The following SLC17A4 variants were observed in gnomAD, a reference collection of about 807,000 sequenced individuals.
SLC17A4 encodes probable small intestine urate exporter.
In SLC17A4, 33 loss-of-function variants were observed where a neutral mutation model predicts 52.5. The ratio of observed to expected loss-of-function variants is 0.63; its 90% confidence interval spans 0.48 to 0.84. The LOEUF (loss-of-function observed/expected upper bound fraction) is 0.84. SLC17A4 is among the 40% of genes least tolerant of loss of function. The pLI is 0.00. For missense variants in SLC17A4, 585 were observed against 597.1 expected (o/e 0.98, Z 0.21); for synonymous variants, 225 against 216.2 (o/e 1.04, Z -0.36).
intron 1 of SLC17A4, among the ~76,000 whole-genome samples, chr6:25,761,082 T>G (rs1231970506): frequency 6.6e-6 from 1 of 152,208 alleles, no homozygotes; most frequent in Non-Finnish European, 1.5e-5. Flanking sequence ...CTGGGCTTGA[T>G]TCTTTGGTCA....
At chr6:25,778,669 A>G (rs918025785) in intron 11 of SLC17A4, among the ~76,000 whole-genome samples, 3 of 152,212 alleles carry the variant, frequency 2.0e-5, no homozygotes, top group Admixed American at 6.5e-5. Flanking sequence ...TATATGACAT[A>G]TTGAATGGTA....
At chr6:25,770,337 G>A (rs1300968518) in intron 4 of SLC17A4, 37 bp downstream of exon 4, 1 of 1,613,306 alleles carries the variant, frequency 6.2e-7, no homozygotes, top group Non-Finnish European at 8.5e-7. Context: ...TGGAATATAG[G>A]TTCCAGAATG....
chr6:25,770,874 G>GAGCC, intron 5 of SLC17A4, 52 bp from the exon 6 acceptor site: 1 of 1,393,020 alleles, frequency 7.2e-7, no homozygotes, highest in South Asian at 1.2e-5. Flanking sequence ...AAAGCACATA[G>GAGCC]AGCCCCAAGA....
In SLC17A4 at chr6:25,776,950, T is replaced by C; in HGVS notation, c.1259T>C (p.Ile420Thr). 1 of 1,612,286 alleles carries C rather than the reference T, an allele frequency of 6.2e-7. No individual in the cohort carries two copies. Among genetic ancestry groups the C allele is most frequent in the Non-Finnish European group, 8.5e-7 (1 of 1,178,902 alleles). ...ESGALVNFLD[I>T]APRYTGFLKG... is the part of the protein sequence containing the mutation. ...GGAGCCCTTGTTAACTTCTTGGATA[T>C]TGCTCCTCGGTAGGGACCTCTTTTG... The change falls in exon 10 of 12, where the codon ATT becomes ACT. Residue 420 changes from isoleucine (I) to threonine (T), a missense_variant. By Grantham distance (89) the Ile-to-Thr change is moderately conservative. Coordinates refer to ENST00000377905, the MANE Select transcript of SLC17A4 (RefSeq NM_005495.3).
At chr6:25,769,287 C>T in intron 3 of SLC17A4, 97 bp downstream of exon 3, 1 of 1,137,256 alleles carries the variant, frequency 8.8e-7, no homozygotes. Context: ...TAAGTATTTA[C>T]TGAACATGTA....
intron 3 of SLC17A4, 43 bp from the exon 4 acceptor site, chr6:25,770,024 A>G (rs955943854): frequency 4.4e-6 from 7 of 1,579,316 alleles, no homozygotes; most frequent in Non-Finnish European, 6.1e-6. Flanking sequence ...AAAACTGTCA[A>G]TCCTTCAACT....
Position 25,770,449 on chromosome 6 carries a change from A to T in SLC17A4, c.597A>T (p.Gln199His). The change falls in exon 5 of 12, where the codon CAA becomes CAT. Residue 199 changes from glutamine to histidine, a missense_variant. By Grantham distance (24) the Gln-to-His change is conservative. Transcript: ENST00000377905. The part of the protein sequence containing the change: ...VKWAPPLERS[Q>H]LTTIAGSGSM... ...GGGCTCCCCCACTGGAAAGGAGTCA[A>T]CTCACCACCATTGCTGGATCAGGTA... The T allele has an allele frequency of 6.2e-7, 1 of 1,614,054 alleles. No individual in the cohort carries two copies. Among genetic ancestry groups the T allele is most frequent in the East Asian group, 2.2e-5 (1 of 44,880 alleles).
intron 2 of SLC17A4, among the ~76,000 whole-genome samples, chr6:25,765,069 G>T (rs1761893924): frequency 6.6e-6 from 1 of 152,168 alleles, no homozygotes; most frequent in Admixed American, 6.5e-5. Flanking sequence ...CTGTGCAGGG[G>T]TTTCAAAATG....
chr6:25,771,038 T>A (rs1288656222), intron 6 of SLC17A4, 26 bp downstream of exon 6: 4 of 1,568,194 alleles, frequency 2.6e-6, no homozygotes, highest in Non-Finnish European at 3.5e-6. Flanking sequence ...AAATCTCCAA[T>A]TTTTATGACA....
chr6:25,768,623 C>A (rs554246197), intron 2 of SLC17A4, among the ~76,000 whole-genome samples: 1 of 152,262 alleles, frequency 6.6e-6, no homozygotes, highest in South Asian at 2.1e-4. Flanking sequence ...CCAGCAGTTT[C>A]CTCTCTCTCA....
In SLC17A4 at chr6:25,779,346, G is replaced by A; in HGVS notation, c.*158G>A. 1 of 928,360 alleles carries A rather than the reference G, an allele frequency of 1.1e-6. No individual in the cohort carries two copies. Among genetic ancestry groups the A allele is most frequent in the Non-Finnish European group, 1.6e-6 (1 of 631,140 alleles). 57.5% of individuals were successfully genotyped at this position (928,360 alleles called of 1,614,324 possible). Reference sequence around the variant, plus strand: ...CATGCCTGGAAATTTTACAGGGGAAGAAAACACGCTAGTTATTTAACTGCA... The same window carrying A: ...CATGCCTGGAAATTTTACAGGGGAAAAAAACACGCTAGTTATTTAACTGCA... On this transcript the variant is annotated 3_prime_UTR_variant, in exon 12 of 12. Coordinates refer to ENST00000377905, the MANE Select transcript of SLC17A4 (RefSeq NM_005495.3).
chr6:25,769,911 TTA>T (rs1282321392), intron 3 of SLC17A4, among the ~76,000 whole-genome samples, 154 bp from the exon 4 acceptor site: 1 of 152,158 alleles, frequency 6.6e-6, no homozygotes, highest in Non-Finnish European at 1.5e-5. Context: ...GGGCATATAT[TTA>T]GGGTTTTTAA....
intron 2 of SLC17A4, among the ~76,000 whole-genome samples, chr6:25,764,332 T>A (rs1203697326): frequency 1.3e-5 from 2 of 152,144 alleles, no homozygotes; most frequent in African/African-American, 4.8e-5. Context: ...GTATCCTTTC[T>A]CCATATCAAA....
rs1762950486 is a variant in SLC17A4, at chr6:25,776,707, G to A, written c.1100G>A (p.Arg367Lys). 1.2e-6 allele frequency: 2 copies of A among 1,613,830 alleles called. No individual in the cohort carries two copies. The highest frequency in any genetic ancestry group is 2.2e-5 in the East Asian group (1 of 44,890). ...SRKILRLITIRKLFTAIGVLF... is the reference protein window; with the variant it reads ...SRKILRLITIKKLFTAIGVLF... Reference sequence around the variant, plus strand: ...AAAATCCTCAGACTCATCACCATCAGGAAACTCTTCACTGCCATTGGTAAG... The same window carrying A: ...AAAATCCTCAGACTCATCACCATCAAGAAACTCTTCACTGCCATTGGTAAG... The change falls in exon 9 of 12, where the codon AGG (arginine) becomes AAG (lysine). Residue 367 changes from arginine (R) to lysine (K), a missense_variant. By Grantham distance (26) the Arg-to-Lys change is conservative. Coordinates refer to ENST00000377905, the MANE Select transcript of SLC17A4 (RefSeq NM_005495.3).
At chr6:25,759,728 C>A (rs1413451941) in intron 1 of SLC17A4, among the ~76,000 whole-genome samples, 1 of 152,208 alleles carries the variant, frequency 6.6e-6, no homozygotes, top group Non-Finnish European at 1.5e-5. Context: ...CATGGAATAT[C>A]TAGTCCCACC....
rs922573323 is a variant in SLC17A4, at chr6:25,770,125, A to G, written c.356A>G (p.Tyr119Cys). 1.2e-6 allele frequency: 2 copies of G among 1,613,832 alleles called. No homozygotes were observed. The highest frequency in any genetic ancestry group is 1.7e-6 in the Non-Finnish European group (2 of 1,179,940). Residue 119 changes from tyrosine (Y) to cysteine (C), a missense_variant, in exon 4 of 12, where the codon TAT becomes TGT. Transcript: ENST00000377905. ...GGAATCATCCTCAGCTCCCTCAACT[A>G]TGGCTCATTCTTGGCTCCAATCCCC... is the stretch of plus-strand genomic sequence containing the variant. ...IQGIILSSLNYGSFLAPIPSG... is the reference protein window; with the variant it reads ...IQGIILSSLNCGSFLAPIPSG...
chr6:25,769,195 G>A lies in SLC17A4; in HGVS notation c.297+5G>A, dbSNP rs764093730. On this transcript the variant is annotated splice_donor_5th_base_variant and intron_variant, in intron 3 of 11. Transcript: ENST00000377905. ...CTAAAAGAATTTAAAGCAATGGTAA[G>A]TTTAATGAGACTCTGGACTCTTTCT... 1.2e-6 allele frequency: 2 copies of A among 1,611,396 alleles called. No homozygotes were observed. The highest frequency in any genetic ancestry group is 1.7e-5 in the Admixed American group (1 of 59,926).
chr6:25,780,695 A>G lies in SLC17A4; in HGVS notation c.*1507A>G, dbSNP rs1271143911. 1 of 152,260 alleles carries G rather than the reference A, an allele frequency of 6.6e-6. No homozygotes were observed. 9.4% of individuals were successfully genotyped at this position (152,260 alleles called of 1,614,324 possible). A position where few individuals can be genotyped will look rare whatever the true frequency, so the allele number is the denominator to read the frequency against. ...GTCCTGGTTTTCAAAGGCACTCTGC[A>G]TGAGAGATTAGGTTGGAGTAGGAGC... On this transcript the variant is annotated 3_prime_UTR_variant, in exon 12 of 12. Coordinates refer to ENST00000377905, the MANE Select transcript of SLC17A4 (RefSeq NM_005495.3).
At chr6:25,766,177 C>T (rs1761997450) in intron 2 of SLC17A4, among the ~76,000 whole-genome samples, 2 of 133,262 alleles carry the variant, frequency 1.5e-5, no homozygotes, top group African/African-American at 5.2e-5. Context: ...AAGAATTATA[C>T]ATTTTTATGT....
Sources: allele counts gnomAD v4.1 joint callset (sites outside exome capture counted in the v4.1 genomes callset), GRCh38; gene constraint gnomAD v4.1.1; transcripts MANE v1.5; gene names NCBI Gene and HGNC (gene_info 2026-07-23, HGNC 2026-07-21).